The following CLOCK variants were observed in gnomAD, a reference collection of about 807,000 sequenced individuals.
CLOCK encodes circadian locomoter output cycles protein kaput.
Under a neutral mutation model 118.4 loss-of-function variants are expected in CLOCK, and 43 were observed. The ratio of observed to expected loss-of-function variants is 0.36; its 90% CI spans 0.28 to 0.47. The LOEUF (loss-of-function observed/expected upper bound fraction) is 0.47, where lower values mean the gene tolerates loss of function less well. CLOCK is among the 20% of genes least tolerant of loss of function. The probability of loss-of-function intolerance (pLI) is 1.00; values close to 1 mark genes in which losing one functional copy is unlikely to be tolerated. For missense variants in CLOCK, 846 were observed against 999.9 expected (o/e 0.85, Z 2.08); for synonymous variants, 326 against 339.2 (o/e 0.96, Z 0.43).
At chr4:55,451,321 A>T (rs1724427886) in intron 15 of CLOCK, among the ~76,000 whole-genome samples, 1 of 152,192 alleles carries the variant, frequency 6.6e-6, no homozygotes, top group Non-Finnish European at 1.5e-5. Flanking sequence ...GATACAGCTG[A>T]TCATTCACTC....
At chr4:55,489,994 CACT>C (rs1484107154) in intron 2 of CLOCK, among the ~76,000 whole-genome samples, 1 of 151,758 alleles carries the variant, frequency 6.6e-6, no homozygotes, top group Admixed American at 6.6e-5. Flanking sequence ...GGGACAACAG[CACT>C]ACAAGAAAGA....
In CLOCK at chr4:55,464,420, C is replaced by T. The variant is rs141483255; in HGVS notation, c.439-615G>A. 5.3e-4 allele frequency among the ~76,000 whole-genome samples: 80 copies of T among 152,306 alleles called. No individual in the cohort carries two copies. In the East Asian group the frequency reaches 0.012, roughly 23 times the overall value. On this transcript the variant is annotated intron_variant, in intron 8 of 22. Coordinates refer to ENST00000513440, the MANE Select transcript of CLOCK (RefSeq NM_004898.4). ...ACATCAGGTTGGCTACAATGTGCCA[C>T]GGCTGTGGAATCAAAGATGAATAAG...
Position 55,438,606 on chromosome 4 carries a change from G to A in CLOCK, c.2106-69C>T, listed in dbSNP as rs1723087702. 3.7e-6 allele frequency: 6 copies of A among 1,607,846 alleles called. No individual in the cohort carries two copies. In the South Asian group the frequency reaches 6.7e-5, roughly 18 times the overall value. On this transcript the variant is annotated intron_variant, in intron 21 of 22. Transcript: ENST00000513440. The stretch of plus-strand genomic sequence containing the variant: ...GGTATACATCATAAAACGCAGTGGA[G>A]TAAATACTTACCTAAGATAATACCC...
Position 55,470,758 on chromosome 4 carries a change from A to T in CLOCK, c.397T>A (p.Tyr133Asn). The change falls in exon 8 of 23, where the codon TAT becomes AAT. Residue 133 changes from tyrosine (Y) to asparagine (N), a missense_variant. Coordinates refer to ENST00000513440, the MANE Select transcript of CLOCK (RefSeq NM_004898.4). ...AATGAAGTTACACTCTCAGACACATATATTATGCTTCCATCTGTCATGATT... is the reference window on the plus strand; with the variant it reads ...AATGAAGTTACACTCTCAGACACATTTATTATGCTTCCATCTGTCATGATT... ...LAIMTDGSII[Y>N]VSESVTSLLE... 6.2e-7 allele frequency: 1 copy of T among 1,611,922 alleles called. No individual in the cohort carries two copies.
intron 1 of CLOCK, among the ~76,000 whole-genome samples, chr4:55,514,917 C>G (rs1261053457): frequency 6.6e-6 from 1 of 152,126 alleles, no homozygotes; most frequent in Non-Finnish European, 1.5e-5. Flanking sequence ...AAAGTATTCC[C>G]TCTGCTTCTG....
At chr4:55,512,634 G>A (rs1020047028) in intron 1 of CLOCK, among the ~76,000 whole-genome samples, 4 of 152,002 alleles carry the variant, frequency 2.6e-5, no homozygotes, top group Middle Eastern at 3.2e-3. Context: ...ATAAAAACTC[G>A]CTGCCAAACC....
chr4:55,450,311 C>G, intron 15 of CLOCK, 79 bp from the exon 16 acceptor site: 1 of 1,563,204 alleles, frequency 6.4e-7, no homozygotes, highest in Non-Finnish European at 8.8e-7. Context: ...TTAACAACAA[C>G]AAAAAAATCA....
intron 1 of CLOCK, among the ~76,000 whole-genome samples, chr4:55,532,080 A>T (rs1730592234): frequency 6.6e-6 from 1 of 152,136 alleles, no homozygotes; most frequent in Admixed American, 6.6e-5. Context: ...AAACCACATG[A>T]TTCCAATTGA....
At chr4:55,445,492 T>TG (rs1370251076) in intron 18 of CLOCK, among the ~76,000 whole-genome samples, 1 of 151,724 alleles carries the variant, frequency 6.6e-6, no homozygotes, top group African/African-American at 2.4e-5. Context: ...TAGGAGCTTG[T>TG]GGGGAGTCTT....
chr4:55,435,316 GA>G lies in CLOCK; in HGVS notation c.*98del. 7.0e-7 allele frequency: 1 copy of G among 1,419,406 alleles called. No homozygotes were observed. Among genetic ancestry groups the G allele is most frequent in the African/African-American group, 1.4e-5 (1 of 71,122 alleles). 87.9% of individuals were successfully genotyped at this position (1,419,406 alleles called of 1,614,324 possible). On this transcript the variant is annotated 3_prime_UTR_variant, in exon 23 of 23. Transcript: ENST00000513440. The stretch of plus-strand genomic sequence containing the variant: ...TAGAACACTCAATACTGCATCTCAT[GA>G]AACTGCTGGAACTTTCCCTCCTTTC...
At position 55,534,155 on chromosome 4, in the gene CLOCK, G is replaced by A. The variant is rs115144469; in HGVS notation, c.-290+12627C>T. ...ACTGAAGTAATTAATAATTACAGTTGTAATATGCAGCGAGTCAAGTGGAGC... is the reference window on the plus strand; with the variant it reads ...ACTGAAGTAATTAATAATTACAGTTATAATATGCAGCGAGTCAAGTGGAGC... On this transcript the variant is annotated intron_variant, in intron 1 of 22. Transcript: ENST00000513440. 3.1e-3 allele frequency among the ~76,000 whole-genome samples: 469 copies of A among 152,210 alleles called. 1 individual carries two copies. The highest frequency in any genetic ancestry group is 0.011 in the African/African-American group (443 of 41,536).
At chr4:55,471,216 A>C (rs962551587) in intron 7 of CLOCK, among the ~76,000 whole-genome samples, 3 of 152,264 alleles carry the variant, frequency 2.0e-5, no homozygotes, top group Admixed American at 1.3e-4. Flanking sequence ...ATGTTAACAC[A>C]GAGGTGTACA....
chr4:55,456,262 T>C lies in CLOCK; in HGVS notation c.831A>G (p.Thr277=). The C allele has an allele frequency of 6.2e-7, 1 of 1,604,332 alleles. No homozygotes were observed. The highest frequency in any genetic ancestry group is 8.5e-7 in the Non-Finnish European group (1 of 1,172,752). Residue 277 remains threonine (T), a synonymous_variant, in exon 12 of 23, where the codon ACA becomes ACG. Coordinates refer to ENST00000513440, the MANE Select transcript of CLOCK (RefSeq NM_004898.4). ...ACTTCCATTCTAAACTATGTCTAGA[T>C]GTAAACTCTTCATTGGGTTCTTCAA... ...CTVEEPNEEF[T]SRHSLEWKFL...
intron 1 of CLOCK, among the ~76,000 whole-genome samples, chr4:55,544,269 A>G (rs1249051726): frequency 6.6e-6 from 1 of 152,158 alleles, no homozygotes; most frequent in Non-Finnish European, 1.5e-5. Flanking sequence ...CAACCTGAAA[A>G]GCAAACTAAC....
At position 55,448,866 on chromosome 4, in the gene CLOCK, G is replaced by A; in HGVS notation, c.1452C>T (p.Ser484=). 6.2e-7 allele frequency: 1 copy of A among 1,611,844 alleles called. No homozygotes were observed. The highest frequency in any genetic ancestry group is 8.5e-7 in the Non-Finnish European group (1 of 1,178,220). The change falls in exon 18 of 23, where the codon TCC becomes TCT. Residue 484 remains serine (S), a splice_region_variant and synonymous_variant. Transcript: ENST00000513440. ...VQRRSSFSSQ[S]INSQSVGSSL... ...ATGAACCAACAGACTGGGAATTTATGGACTAGAGCAAAATAAAAAATAACA... is the reference window on the plus strand; with the variant it reads ...ATGAACCAACAGACTGGGAATTTATAGACTAGAGCAAAATAAAAAATAACA...
In CLOCK at chr4:55,434,015, T is replaced by C. The variant is rs1412318327; in HGVS notation, c.*1400A>G. The C allele has an allele frequency of 6.6e-6, 1 of 152,612 alleles. No individual in the cohort carries two copies. Among genetic ancestry groups the C allele is most frequent in the African/African-American group, 2.4e-5 (1 of 41,446 alleles). The allele number at this position is 152,612 out of a possible 1,614,324, so 9.5% of individuals were successfully genotyped here. On this transcript the variant is annotated 3_prime_UTR_variant, in exon 23 of 23. Transcript: ENST00000513440. The stretch of plus-strand genomic sequence containing the variant: ...TAATAACTATGATAGTGTTAGGTTA[T>C]CATCTTTTATTTCTAAATTATTTGT...
chr4:55,531,182 A>C (rs1730519088), intron 1 of CLOCK, among the ~76,000 whole-genome samples: 1 of 152,164 alleles, frequency 6.6e-6, no homozygotes, highest in South Asian at 2.1e-4. Context: ...AGAAATAAGT[A>C]AATATTTTAT....
intron 1 of CLOCK, among the ~76,000 whole-genome samples, chr4:55,514,508 CCA>C (rs1425022823): frequency 2.0e-5 from 3 of 151,288 alleles, no homozygotes; most frequent in Non-Finnish European, 4.4e-5. Flanking sequence ...TATCCCCCCC[CCA>C]CTTTGCTGAG....
chr4:55,470,425 C>A (rs1260142715), intron 8 of CLOCK, among the ~76,000 whole-genome samples: 1 of 152,158 alleles, frequency 6.6e-6, no homozygotes, highest in East Asian at 1.9e-4. Context: ...TAGTAGGTTA[C>A]ACATCGAGGT....
Sources: gnomAD v4.1 joint callset for allele counts (sites outside exome capture counted in the v4.1 genomes callset) on GRCh38, gnomAD v4.1.1 for gene constraint, MANE v1.5 for transcripts, NCBI Gene and HGNC (gene_info 2026-07-23, HGNC 2026-07-21) for gene names.